Variants in DLGAP2 observed in about 807,000 individuals in gnomAD.
The protein encoded by DLGAP2 is disks large-associated protein 2.
A neutral mutation model predicts 100.3 loss-of-function variants in DLGAP2; 26 were observed. That is an observed-to-expected ratio of 0.26 (90% CI 0.19 to 0.36). DLGAP2 has a LOEUF of 0.36. Ranked by LOEUF, DLGAP2 falls within the 10% of genes least tolerant of loss-of-function variation. The probability of loss-of-function intolerance (pLI) is 1.00; values close to 1 mark genes in which losing one functional copy is unlikely to be tolerated. For missense variants in DLGAP2, 1,858 were observed against 1,453.2 expected (o/e 1.28, Z -4.53); for synonymous variants, 886 against 630.1 (o/e 1.41, Z -6.08).
intron 2 of DLGAP2, among the ~76,000 whole-genome samples, chr8:1,178,704 T>C (rs1037502150): frequency 1.3e-5 from 2 of 152,184 alleles, no homozygotes; most frequent in Admixed American, 6.5e-5. Flanking sequence ...GTAGAAGTTT[T>C]AGCAACTGCT....
intron 1 of DLGAP2, among the ~76,000 whole-genome samples, chr8:854,021 G>A (rs931601815): frequency 1.8e-4 from 28 of 152,162 alleles, no homozygotes; most frequent in African/African-American, 1.7e-4. Flanking sequence ...GTGAGAAGGC[G>A]CTGTCTCTGG....
intron 1 of DLGAP2, among the ~76,000 whole-genome samples, chr8:865,918 C>T (rs573708995): frequency 5.3e-5 from 8 of 152,332 alleles, no homozygotes; most frequent in African/African-American, 1.9e-4. Context: ...GAAATAAGAA[C>T]ATCTTTTTCT....
At chr8:827,156 C>T (rs1796698033) in intron 1 of DLGAP2, among the ~76,000 whole-genome samples, 1 of 152,160 alleles carries the variant, frequency 6.6e-6, no homozygotes, top group Non-Finnish European at 1.5e-5. Flanking sequence ...GCCTACAGTG[C>T]CTGGACAGCG....
chr8:1,095,952 A>C (rs950281109), intron 2 of DLGAP2, among the ~76,000 whole-genome samples: 6 of 152,326 alleles, frequency 3.9e-5, no homozygotes, highest in Admixed American at 3.3e-4. Context: ...ACTATCTAAC[A>C]ATTTTAGAGA....
At chr8:1,555,995 G>A (rs1264532308) in intron 5 of DLGAP2, among the ~76,000 whole-genome samples, 2 of 152,284 alleles carry the variant, frequency 1.3e-5, no homozygotes, top group East Asian at 1.9e-4. Flanking sequence ...GGGTGCATGC[G>A]CTGTTTTATC....
At chr8:1,623,394 C>T (rs1287346767) in intron 6 of DLGAP2, among the ~76,000 whole-genome samples, 3 of 151,866 alleles carry the variant, frequency 2.0e-5, no homozygotes, top group Non-Finnish European at 4.4e-5. Flanking sequence ...GACCTGACAC[C>T]AGTGTGTGAT....
intron 1 of DLGAP2, among the ~76,000 whole-genome samples, chr8:760,910 A>C (rs1488808702): frequency 6.6e-6 from 1 of 151,828 alleles, no homozygotes; most frequent in Non-Finnish European, 1.5e-5. Flanking sequence ...TAATTCCCAG[A>C]TCTTAGGTCT....
At chr8:1,073,103 C>T (rs993790472) in intron 2 of DLGAP2, among the ~76,000 whole-genome samples, 1 of 152,320 alleles carries the variant, frequency 6.6e-6, no homozygotes, top group East Asian at 1.9e-4. Flanking sequence ...TGAAGTCAGT[C>T]TCGTAGCTGT....
intron 2 of DLGAP2, among the ~76,000 whole-genome samples, chr8:995,023 C>G (rs1482695212): frequency 1.3e-5 from 2 of 152,128 alleles, no homozygotes; most frequent in Non-Finnish European, 2.9e-5. Flanking sequence ...GGAATAGATT[C>G]TAATGCTGTT....
At chr8:986,774 C>G (rs1800499718) in intron 2 of DLGAP2, among the ~76,000 whole-genome samples, 1 of 151,742 alleles carries the variant, frequency 6.6e-6, no homozygotes, top group African/African-American at 2.4e-5. Flanking sequence ...ATTCTCCTGC[C>G]TAAGCTTCCC....
intron 1 of DLGAP2, among the ~76,000 whole-genome samples, chr8:826,655 G>C (rs553223191): frequency 5.3e-5 from 8 of 152,044 alleles, no homozygotes; most frequent in Non-Finnish European, 1.2e-4. Context: ...CTGGTGTCTC[G>C]AGGGTCCCGC....
At chr8:1,050,943 G>C (rs1802662113) in intron 2 of DLGAP2, among the ~76,000 whole-genome samples, 1 of 146,522 alleles carries the variant, frequency 6.8e-6, no homozygotes, top group African/African-American at 2.5e-5. Context: ...TCGTGGGTGG[G>C]GGGTCATTTT....
intron 3 of DLGAP2, among the ~76,000 whole-genome samples, chr8:1,451,145 T>G (rs1461560225): frequency 6.6e-6 from 1 of 152,128 alleles, no homozygotes; most frequent in Non-Finnish European, 1.5e-5. Flanking sequence ...AGTCACACCT[T>G]TCCAGCATGT....
rs1799621523 is a variant in DLGAP2 at position 1,498,755 on chromosome 8, C to G, written c.107-2611C>G. 2.6e-5 allele frequency among the ~76,000 whole-genome samples: 4 copies of G among 152,190 alleles called. No individual in the cohort carries two copies. The South Asian group carries it at 8.3e-4, about 31-fold the overall frequency. On this transcript the variant is annotated intron_variant, in intron 3 of 14. Transcript: ENST00000637795. ...TCTCTCAAAGCAGCTTATTTCATAC[C>G]TCAGTGACTGAAGCCACAGGAAGAG...
chr8:1,496,098 G>A (rs1044197320), intron 3 of DLGAP2, among the ~76,000 whole-genome samples: 1 of 152,132 alleles, frequency 6.6e-6, no homozygotes, highest in Non-Finnish European at 1.5e-5. Context: ...TGAAAGTCAG[G>A]TTTCTTCTTG....
intron 3 of DLGAP2, among the ~76,000 whole-genome samples, chr8:1,278,069 A>T (rs778453489): frequency 3.9e-5 from 6 of 152,104 alleles, no homozygotes; most frequent in Non-Finnish European, 8.8e-5. Context: ...AACATTCAGG[A>T]GACATGCCTT....
chr8:1,561,607 C>A (rs988483496), intron 5 of DLGAP2, among the ~76,000 whole-genome samples: 3 of 152,202 alleles, frequency 2.0e-5, no homozygotes, highest in African/African-American at 7.2e-5. Flanking sequence ...TGTGCCTGGG[C>A]CACCTTGGGG....
chr8:1,433,668 C>G (rs927100991), intron 3 of DLGAP2, among the ~76,000 whole-genome samples: 2 of 151,178 alleles, frequency 1.3e-5, no homozygotes, highest in Admixed American at 6.6e-5. Context: ...TGGCAAACCA[C>G]TGAACACTGG....
At chr8:1,662,494 C>G (rs1261339219) in intron 8 of DLGAP2, among the ~76,000 whole-genome samples, 1 of 152,184 alleles carries the variant, frequency 6.6e-6, no homozygotes, top group Non-Finnish European at 1.5e-5. Context: ...TGAGAAAACA[C>G]TAGATCAGGT....
Sources: allele counts gnomAD v4.1 joint callset (sites outside exome capture counted in the v4.1 genomes callset), GRCh38; gene constraint gnomAD v4.1.1; transcripts MANE v1.5; gene names NCBI Gene and HGNC (gene_info 2026-07-23, HGNC 2026-07-21).